Variants in TASP1 observed in about 807,000 individuals in gnomAD.
TASP1 encodes the protein taspase 1.
A neutral mutation model predicts 56.6 loss-of-function variants in TASP1; 16 were observed. The observed-to-expected ratio is 0.28, with a 90% CI of 0.19 to 0.43. TASP1 has a LOEUF of 0.43. Among genes scored for constraint, TASP1 ranks in the 20% least tolerant of loss-of-function variants. The pLI is 1.00. For synonymous variants in TASP1, 179 were observed against 184.2 expected (o/e 0.97, Z 0.23); for missense variants, 393 against 511.6 (o/e 0.77, Z 2.24).
At chr20:13,152,826 C>A in the TASP1 span, among the ~76,000 whole-genome samples, 1 of 152,174 alleles carries the variant, frequency 6.6e-6, no homozygotes, top group Admixed American at 6.5e-5. Flanking sequence ...TTTGAAAAGG[C>A]ACAATCTGGG....
chr20:13,280,641 G>A, the TASP1 span, among the ~76,000 whole-genome samples: 1 of 152,230 alleles, frequency 6.6e-6, no homozygotes, highest in Non-Finnish European at 1.5e-5. Flanking sequence ...GTGTCCAGCT[G>A]GTGTCCAGGG....
chr20:13,497,869 A>G (rs1007744569), intron 10 of TASP1, among the ~76,000 whole-genome samples: 5 of 152,192 alleles, frequency 3.3e-5, no homozygotes, highest in African/African-American at 1.2e-4. Flanking sequence ...AAAGCTGACA[A>G]AAATTAGCAA....
At chr20:13,282,401 G>C in the TASP1 span, among the ~76,000 whole-genome samples, 1 of 152,168 alleles carries the variant, frequency 6.6e-6, no homozygotes, top group Non-Finnish European at 1.5e-5. Context: ...ACTGAAGTTT[G>C]AAGACCACCA....
the TASP1 span, chr20:13,132,820 T>G: frequency 6.6e-6 from 1 of 152,134 alleles, no homozygotes; most frequent in African/African-American, 2.4e-5. Context: ...CCCCTTCTTT[T>G]TCCAACAGCC....
intron 2 of TASP1, 118 bp downstream of exon 2, chr20:13,629,816 A>G (rs2049021710): frequency 6.8e-7 from 1 of 1,475,318 alleles, no homozygotes; most frequent in African/African-American, 1.4e-5. Flanking sequence ...CTTTGCTTCC[A>G]ATTCCTCTCT....
At chr20:13,438,867 AAAG>A (rs1315126885) in intron 11 of TASP1, among the ~76,000 whole-genome samples, 1 of 152,262 alleles carries the variant, frequency 6.6e-6, no homozygotes, top group African/African-American at 2.4e-5. Context: ...ACACTTCTCA[AAAG>A]AAGACATTTA....
At chr20:13,114,813 G>A in the TASP1 span, among the ~76,000 whole-genome samples, 6 of 152,180 alleles carry the variant, frequency 3.9e-5, no homozygotes, top group Admixed American at 2.0e-4. Flanking sequence ...TTAGCTAGCC[G>A]GTGGTTTAAT....
chr20:13,393,558 GGGGC>G, intron 13 of TASP1: 4 of 830,388 alleles, frequency 4.8e-6, no homozygotes, highest in Non-Finnish European at 8.3e-6. Context: ...CTTCCATGCT[GGGGC>G]TGGCAATGCC....
chr20:13,147,124 A>T, the TASP1 span, among the ~76,000 whole-genome samples: 4 of 152,126 alleles, frequency 2.6e-5, no homozygotes, highest in African/African-American at 9.7e-5. Context: ...CCCACCCCTG[A>T]TGTCCAGCCT....
At chr20:13,492,249 T>G (rs985172305) in intron 10 of TASP1, among the ~76,000 whole-genome samples, 1 of 152,176 alleles carries the variant, frequency 6.6e-6, no homozygotes, top group Non-Finnish European at 1.5e-5. Context: ...CTAGTGGGCA[T>G]CTGAAAAATC....
At chr20:13,197,344 C>G in the TASP1 span, among the ~76,000 whole-genome samples, 1 of 152,240 alleles carries the variant, frequency 6.6e-6, no homozygotes, top group South Asian at 2.1e-4. Context: ...TGACTGGGAC[C>G]AAAAAGACTC....
chr20:13,417,871 C>T (rs2042310799), intron 12 of TASP1, among the ~76,000 whole-genome samples: 2 of 151,962 alleles, frequency 1.3e-5, no homozygotes, highest in African/African-American at 4.8e-5. Context: ...TATTTTAAAA[C>T]ACGTGCATGC....
At chr20:13,576,697 C>T (rs1051773320) in intron 6 of TASP1, among the ~76,000 whole-genome samples, 5 of 152,042 alleles carry the variant, frequency 3.3e-5, no homozygotes, top group Non-Finnish European at 5.9e-5. Flanking sequence ...AGGCTATTTA[C>T]AGAAATGGAA....
intron 5 of TASP1, among the ~76,000 whole-genome samples, chr20:13,584,283 T>C (rs1568613097): frequency 6.6e-6 from 1 of 152,146 alleles, no homozygotes; most frequent in Admixed American, 6.5e-5. Context: ...TAAATTGTGC[T>C]TATAAATTAT....
the TASP1 span, chr20:13,160,240 A>G: frequency 7.4e-7 from 1 of 1,358,234 alleles, no homozygotes; most frequent in Non-Finnish European, 9.7e-7. Context: ...TGGGTTATTT[A>G]GGAAAACAAC....
At chr20:13,567,514 A>G (rs975260662) in intron 7 of TASP1, among the ~76,000 whole-genome samples, 1 of 152,176 alleles carries the variant, frequency 6.6e-6, no homozygotes, top group Non-Finnish European at 1.5e-5. Flanking sequence ...CCAAATCTGA[A>G]GCATATAAAT....
intron 11 of TASP1, among the ~76,000 whole-genome samples, chr20:13,442,592 A>G (rs1051580508): frequency 1.3e-5 from 2 of 151,734 alleles, no homozygotes; most frequent in African/African-American, 4.9e-5. Flanking sequence ...CAGTGAGCCG[A>G]TATCGTGCCC....
chr20:13,498,190 T>C (rs1472408820), intron 10 of TASP1, among the ~76,000 whole-genome samples: 1 of 152,074 alleles, frequency 6.6e-6, no homozygotes. Context: ...ATCCACACAA[T>C]GGGAGAAAAT....
chr20:13,564,993 TA>T (rs2046469630), intron 7 of TASP1, among the ~76,000 whole-genome samples: 1 of 118,396 alleles, frequency 8.4e-6, no homozygotes, highest in Admixed American at 1.0e-4. Context: ...GGCAACAGAG[TA>T]AGACTCCATC....
Sources: gnomAD v4.1 joint callset for allele counts (sites outside exome capture counted in the v4.1 genomes callset) on GRCh38, gnomAD v4.1.1 for gene constraint, MANE v1.5 for transcripts, NCBI Gene and HGNC (gene_info 2026-07-23, HGNC 2026-07-21) for gene names.